The following IP6K1 variants were observed in gnomAD, a reference collection of about 807,000 sequenced individuals.
IP6K1 encodes the protein ATP:1D-myo-inositol-hexakisphosphate phosphotransferase.
IP6K1 carries 13 observed loss-of-function variants against 38.3 expected under a neutral mutation model. That is an observed-to-expected ratio of 0.34 (90% confidence interval 0.22 to 0.54). The LOEUF (loss-of-function observed/expected upper bound fraction) is 0.54. Among genes scored for constraint, IP6K1 ranks in the 20% least tolerant of loss-of-function variants. The probability of loss-of-function intolerance (pLI) is 0.92; values close to 1 mark genes in which losing one functional copy is unlikely to be tolerated. For synonymous variants in IP6K1, 212 were observed against 229.9 expected, an observed-to-expected ratio of 0.92 and a Z score of 0.70; for missense variants, 397 against 599.8, an observed-to-expected ratio of 0.66 and a Z score of 3.53.
intron 1 of IP6K1, among the ~76,000 whole-genome samples, chr3:49,783,394 G>A (rs77941412): frequency 6.6e-6 from 1 of 150,990 alleles, no homozygotes; most frequent in African/African-American, 2.4e-5. Context: ...AAAAAAAAAA[G>A]CAGGGGCTTG....
At chr3:49,760,350 G>A (rs907768457) in intron 1 of IP6K1, among the ~76,000 whole-genome samples, 1 of 152,128 alleles carries the variant, frequency 6.6e-6, no homozygotes, top group Non-Finnish European at 1.5e-5. Context: ...GAGGCTGGAC[G>A]CAGTGGCTCA....
rs754466933 is a variant in IP6K1, at chr3:49,747,853, G to A, written c.188C>T (p.Pro63Leu). The change falls in exon 2 of 6, where the codon CCT becomes CTT. Residue 63 changes from proline to leucine, a missense_variant. Pro to Leu is a moderately conservative substitution (Grantham distance 98). This residue lies in a region of IP6K1 where 171 missense variants were observed against 237.0 expected (regional missense o/e 0.72). Coordinates refer to ENST00000321599, the MANE Select transcript of IP6K1 (RefSeq NM_153273.4). ...SREQRFYESL[P>L]PEMKEFTPEY... ...AGGGGTGAACTCCTTCATTTCGGGA[G>A]GGAGGGACTCGTAAAAGCGCTGTTC... The A allele has an allele frequency of 2.1e-5, 34 of 1,614,060 alleles. No individual in the cohort carries two copies. In the Admixed American group the frequency reaches 5.3e-4, roughly 25 times the overall value.
In IP6K1 at chr3:49,727,590, A is replaced by G. The variant is rs1157455848; in HGVS notation, c.858T>C (p.Ile286=). 1 of 1,614,192 alleles carries G rather than the reference A, an allele frequency of 6.2e-7. No individual in the cohort carries two copies. The highest frequency in any genetic ancestry group is 8.5e-7 in the Non-Finnish European group (1 of 1,180,024). The change falls in exon 6 of 6, where the codon ATT becomes ATC. Residue 286 remains isoleucine, a synonymous_variant. Coordinates refer to ENST00000321599, the MANE Select transcript of IP6K1 (RefSeq NM_153273.4). The surrounding 1 kb of genome is among the most constrained non-coding windows in gnomAD (Gnocchi z 5.9). ...GATAGAGGGCATTGCGGAAGCCTTC[A>G]ATGGAGAGCCCACGGCCATAGTACT... ...RNKYYGRGLS[I]EGFRNALYQY... is the part of the protein sequence containing the mutation.
intron 1 of IP6K1, among the ~76,000 whole-genome samples, chr3:49,756,871 G>T (rs2080828561): frequency 6.7e-6 from 1 of 149,434 alleles, no homozygotes; most frequent in South Asian, 2.1e-4. Flanking sequence ...AAACAAAGGT[G>T]CTGAAACATT....
intron 1 of IP6K1, among the ~76,000 whole-genome samples, chr3:49,760,652 A>G (rs1043064090): frequency 1.3e-5 from 2 of 151,498 alleles, no homozygotes; most frequent in African/African-American, 4.9e-5. Flanking sequence ...AAAAGTGAAA[A>G]GCAAAAAGCG....
chr3:49,759,751 TTAG>T, intron 1 of IP6K1, among the ~76,000 whole-genome samples: 1 of 152,120 alleles, frequency 6.6e-6, no homozygotes, highest in Admixed American at 6.6e-5. Context: ...AACATGGAAA[TTAG>T]TAGACTATGT....
chr3:49,735,516 G>A (rs560594717), intron 3 of IP6K1, among the ~76,000 whole-genome samples: 1 of 152,290 alleles, frequency 6.6e-6, no homozygotes, highest in East Asian at 1.9e-4. Flanking sequence ...GGAGTGAAGG[G>A]GAAGCACTAG....
In IP6K1 at chr3:49,726,764, A is replaced by G. The variant is rs539242643; in HGVS notation, c.*358T>C. 5.2e-5 allele frequency: 18 copies of G among 345,510 alleles called. No homozygotes were observed. Among genetic ancestry groups the G allele is most frequent in the Admixed American group, 3.0e-4 (7 of 23,374 alleles). 21.4% of individuals were successfully genotyped at this position (345,510 alleles called of 1,614,324 possible). ...CTGCACCAGCCCAGGGCTTTACCTT[A>G]CAATCAGCAGGGCCCTGCAGCCACA... On this transcript the variant is annotated 3_prime_UTR_variant, in exon 6 of 6. Coordinates refer to ENST00000321599, the MANE Select transcript of IP6K1 (RefSeq NM_153273.4).
At chr3:49,745,015 A>G (rs2080708269) in intron 2 of IP6K1, among the ~76,000 whole-genome samples, 1 of 152,196 alleles carries the variant, frequency 6.6e-6, no homozygotes, top group Non-Finnish European at 1.5e-5. Flanking sequence ...TTATGCAAAT[A>G]AGCTTTGCCT....
intron 2 of IP6K1, among the ~76,000 whole-genome samples, chr3:49,739,778 C>G (rs2080649059): frequency 6.6e-6 from 1 of 151,976 alleles, no homozygotes; most frequent in Non-Finnish European, 1.5e-5. Context: ...CTCAGCCTCT[C>G]AAGTAGCTGG....
intron 2 of IP6K1, among the ~76,000 whole-genome samples, chr3:49,745,769 C>G (rs1287383461): frequency 1.4e-5 from 2 of 144,876 alleles, no homozygotes; most frequent in Admixed American, 7.0e-5. Flanking sequence ...GCAGAAGAAT[C>G]GCTTGAACAC....
intron 1 of IP6K1, among the ~76,000 whole-genome samples, chr3:49,749,331 G>A (rs1357912520): frequency 6.6e-6 from 1 of 152,098 alleles, no homozygotes; most frequent in Non-Finnish European, 1.5e-5. Flanking sequence ...ACCAACCAGT[G>A]GGACAAGGAA....
At chr3:49,731,907 G>GAAAAAAAAAAAAAAAAAAAAAAAA (rs1277207284) in intron 4 of IP6K1, among the ~76,000 whole-genome samples, 1 of 69,082 alleles carries the variant, frequency 1.4e-5, no homozygotes, top group Non-Finnish European at 3.2e-5. Flanking sequence ...AAAAAAAAAG[G>GAAAAAAAAAAAAAAAAAAAAAAAA]AATTCCTATG....
At chr3:49,733,006 CT>C in intron 3 of IP6K1, 34 bp from the exon 4 acceptor site, 2 of 1,561,480 alleles carry the variant, frequency 1.3e-6, no homozygotes, top group South Asian at 2.3e-5. Flanking sequence ...CACTAAGAAA[CT>C]CAGGCAAGTC....
intron 1 of IP6K1, among the ~76,000 whole-genome samples, chr3:49,759,661 A>C (rs1470374324): frequency 6.6e-6 from 1 of 151,228 alleles, no homozygotes; most frequent in Non-Finnish European, 1.5e-5. Context: ...ATTTTATTAG[A>C]GTCTTAGACT....
intron 1 of IP6K1, among the ~76,000 whole-genome samples, chr3:49,772,543 T>C (rs918129074): frequency 2.0e-5 from 3 of 151,730 alleles, no homozygotes; most frequent in Admixed American, 6.6e-5. Context: ...GCTGGGACTA[T>C]AGGCACATGC....
Position 49,727,967 on chromosome 3 carries a change from T to C in IP6K1, c.792+136A>G. 1.2e-6 allele frequency: 1 copy of C among 832,338 alleles called. No individual in the cohort carries two copies. The highest frequency in any genetic ancestry group is 1.9e-6 in the Non-Finnish European group (1 of 519,688). 51.6% of individuals were successfully genotyped at this position (832,338 alleles called of 1,614,324 possible). On this transcript the variant is annotated intron_variant, in intron 5 of 5. Transcript: ENST00000321599. This position sits in a 1 kb window ranked among gnomAD's most constrained non-coding sequence, Gnocchi z 5.9. ...CAGACTCTCACAGTGGTCCTGCACC[T>C]GAGGCCCATATCAAAGTCAACAGGT...
chr3:49,752,961 T>C (rs1478363030), intron 1 of IP6K1, among the ~76,000 whole-genome samples: 1 of 151,898 alleles, frequency 6.6e-6, no homozygotes, highest in African/African-American at 2.4e-5. Context: ...GGTTTTGTCA[T>C]GTTGGCCAGG....
intron 2 of IP6K1, among the ~76,000 whole-genome samples, chr3:49,744,125 G>A (rs1217398260): frequency 4.0e-5 from 6 of 151,280 alleles, no homozygotes; most frequent in Non-Finnish European, 5.9e-5. Flanking sequence ...AATTCTGGCC[G>A]GGCACGGTGG....
Sources: gnomAD v4.1 joint callset for allele counts (sites outside exome capture counted in the v4.1 genomes callset) on GRCh38, gnomAD v4.1.1 for gene constraint, gnomAD v4.1.1 regional missense constraint, Gnocchi (gnomAD v3.1) non-coding constraint, MANE v1.5 for transcripts, NCBI Gene and HGNC (gene_info 2026-07-23, HGNC 2026-07-21) for gene names.